TNNI3K: variants seen among roughly 807,000 people sequenced by gnomAD.
The protein encoded by TNNI3K is serine/threonine-protein kinase TNNI3K.
TNNI3K carries 140 observed loss-of-function variants against 114.5 expected under a neutral mutation model. That is an observed-to-expected ratio of 1.22 (90% CI 1.07 to 1.41). The LOEUF is 1.41. Ranked by LOEUF, TNNI3K falls within the 40% of genes most tolerant of loss-of-function variation. The pLI is 0.00. For missense variants in TNNI3K, 1,125 were observed against 1,007.6 expected (o/e 1.12, Z -1.58); for synonymous variants, 347 against 347.5 (o/e 1.00, Z 0.02).
intron 7 of TNNI3K, chr1:74,341,769 T>G (rs1660758198): frequency 6.6e-6 from 1 of 152,148 alleles, no homozygotes; most frequent in Non-Finnish European, 1.5e-5. Flanking sequence ...CCACCCTTGC[T>G]AGGCACACAT....
chr1:74,311,986 G>A (rs892661379), intron 5 of TNNI3K, among the ~76,000 whole-genome samples: 2 of 152,086 alleles, frequency 1.3e-5, no homozygotes, highest in Non-Finnish European at 2.9e-5. Flanking sequence ...TTGATAACCT[G>A]TGTGATTTCC....
chr1:74,361,030 A>ACATGGCAT (rs2100498871), intron 11 of TNNI3K, among the ~76,000 whole-genome samples: 1 of 152,244 alleles, frequency 6.6e-6, no homozygotes, highest in African/African-American at 2.4e-5. Context: ...ATGTTCTGCT[A>ACATGGCAT]CATGGCATCT....
At chr1:74,510,381 G>A (rs1275535490) in intron 23 of TNNI3K, among the ~76,000 whole-genome samples, 3 of 152,066 alleles carry the variant, frequency 2.0e-5, no homozygotes, top group Non-Finnish European at 2.9e-5. Context: ...GGTGCCTGGC[G>A]CCTGTAGTCC....
At chr1:74,424,180 T>C (rs1665521865) in intron 17 of TNNI3K, among the ~76,000 whole-genome samples, 1 of 152,050 alleles carries the variant, frequency 6.6e-6, no homozygotes, top group Non-Finnish European at 1.5e-5. Flanking sequence ...GTAACTAAAT[T>C]CATGGTGATG....
chr1:74,479,895 G>A (rs17095414), intron 21 of TNNI3K, among the ~76,000 whole-genome samples: 2,876 of 152,270 alleles, frequency 0.019, 89 homozygotes, highest in African/African-American at 0.065. Flanking sequence ...CCTGTTCAAG[G>A]TCACCAATGC....
chr1:74,259,763 C>T (rs1270742746), intron 4 of TNNI3K, among the ~76,000 whole-genome samples: 1 of 152,016 alleles, frequency 6.6e-6, no homozygotes. Flanking sequence ...TAGAGCAAGA[C>T]CCTGTCTCAA....
chr1:74,473,618 G>A (rs1420096757), intron 21 of TNNI3K, among the ~76,000 whole-genome samples: 3 of 151,830 alleles, frequency 2.0e-5, no homozygotes, highest in Middle Eastern at 6.8e-3. Context: ...CAGCTCCTAA[G>A]GGTGGGGATA....
chr1:74,239,339 C>G (rs768664475), intron 2 of TNNI3K, among the ~76,000 whole-genome samples: 1 of 152,078 alleles, frequency 6.6e-6, no homozygotes, highest in Non-Finnish European at 1.5e-5. Context: ...TTGTCTTACT[C>G]ACTCATTCAC....
Position 74,261,275 on chromosome 1 carries a change from G to GA in TNNI3K, c.334-10313dup, listed in dbSNP as rs565269862. Among the ~76,000 whole-genome samples, 112 of 145,990 alleles carry GA rather than the reference G, an allele frequency of 7.7e-4. 2 individuals are homozygous for GA. The highest frequency in any genetic ancestry group is 5.6e-3 in the East Asian group (28 of 5,042). ...CACATCCCCAATAACTAAAAGCTAA[G>GA]AAAAAAAAAAGAGTGAGAGGCAGCT... On this transcript the variant is annotated intron_variant, in intron 4 of 24. Transcript: ENST00000326637.
rs200375655 is a variant in TNNI3K at position 74,353,944 on chromosome 1, T to A, written c.1028-36T>A. 214 of 1,576,376 alleles carry A rather than the reference T, an allele frequency of 1.4e-4. 2 individuals carry two copies. In the South Asian group the frequency reaches 2.3e-3, roughly 17 times the overall value. Reference sequence around the variant, plus strand: ...AAAATTGGGGAGCAGTTTTTCTTTTTTCTCCTTTTGTTCTTTCAATTCTTT... The same window carrying A: ...AAAATTGGGGAGCAGTTTTTCTTTTATCTCCTTTTGTTCTTTCAATTCTTT... On this transcript the variant is annotated intron_variant, in intron 10 of 24. Transcript: ENST00000326637.
intron 5 of TNNI3K, among the ~76,000 whole-genome samples, chr1:74,295,611 T>C (rs1657932480): frequency 6.6e-6 from 1 of 152,172 alleles, no homozygotes; most frequent in African/African-American, 2.4e-5. Context: ...TCCCTTTTCA[T>C]CTTTAGTAAT....
chr1:74,347,398 C>T (rs1661072430), intron 9 of TNNI3K, among the ~76,000 whole-genome samples: 1 of 151,978 alleles, frequency 6.6e-6, no homozygotes, highest in South Asian at 2.1e-4. Context: ...TCTAGTCTAT[C>T]ATTGTTGGAC....
chr1:74,236,835 CA>C (rs963831206), intron 2 of TNNI3K, among the ~76,000 whole-genome samples: 8 of 151,900 alleles, frequency 5.3e-5, no homozygotes, highest in African/African-American at 1.9e-4. Flanking sequence ...CTTATATACA[CA>C]AAAAGCCTTC....
chr1:74,468,849 AT>A (rs1243851598), intron 21 of TNNI3K: 2 of 152,098 alleles, frequency 1.3e-5, no homozygotes, highest in Admixed American at 6.6e-5. Flanking sequence ...TGCTTCAAAT[AT>A]TTTTTACAGT....
At chr1:74,455,900 A>G (rs777924780) in intron 20 of TNNI3K, among the ~76,000 whole-genome samples, 2 of 152,240 alleles carry the variant, frequency 1.3e-5, no homozygotes, top group Non-Finnish European at 2.9e-5. Flanking sequence ...CAGACACACT[A>G]GAAATAACAG....
chr1:74,446,822 C>G (rs1666712019), intron 20 of TNNI3K, among the ~76,000 whole-genome samples: 1 of 149,440 alleles, frequency 6.7e-6, no homozygotes, highest in East Asian at 1.9e-4. Flanking sequence ...GCTTGTTTTT[C>G]TCAGATTTGT....
At chr1:74,487,053 T>C (rs919961225) in intron 21 of TNNI3K, among the ~76,000 whole-genome samples, 1 of 152,150 alleles carries the variant, frequency 6.6e-6, no homozygotes, top group East Asian at 1.9e-4. Context: ...TGGATAACTC[T>C]AGAACAATTT....
intron 20 of TNNI3K, among the ~76,000 whole-genome samples, chr1:74,451,644 T>C (rs1270260411): frequency 1.4e-5 from 2 of 139,750 alleles, no homozygotes; most frequent in African/African-American, 5.3e-5. Flanking sequence ...TTTTCTTTCT[T>C]TCTTTCCTTT....
At chr1:74,472,743 TTAA>T in intron 21 of TNNI3K, among the ~76,000 whole-genome samples, 2 of 152,178 alleles carry the variant, frequency 1.3e-5, no homozygotes, top group Non-Finnish European at 2.9e-5. Flanking sequence ...AAAATGTTCA[TTAA>T]ATATTTGTTA....
Sources: gnomAD v4.1 joint callset for allele counts (sites outside exome capture counted in the v4.1 genomes callset) on GRCh38, gnomAD v4.1.1 for gene constraint, MANE v1.5 for transcripts, NCBI Gene and HGNC (gene_info 2026-07-23, HGNC 2026-07-21) for gene names.